EXD3: variants seen among roughly 807,000 people sequenced by gnomAD.
The protein encoded by EXD3 is exonuclease 3'-5' domain containing 3.
In EXD3, 92 loss-of-function variants were observed where a neutral mutation model predicts 98.0. That is an observed-to-expected ratio of 0.94 (90% confidence interval 0.79 to 1.12). The LOEUF (loss-of-function observed/expected upper bound fraction) is 1.12, where lower values mean the gene tolerates loss of function less well. Ranked by LOEUF, EXD3 falls within the 50% of genes most tolerant of loss-of-function variation. The probability of loss-of-function intolerance (pLI) is 0.00; values close to 1 mark genes in which losing one functional copy is unlikely to be tolerated. For synonymous variants in EXD3, 569 were observed against 526.0 expected, an observed-to-expected ratio of 1.08 and a Z score of -1.12; for missense variants, 1,222 against 1,191.6, an observed-to-expected ratio of 1.03 and a Z score of -0.38.
intron 9 of EXD3, 92 bp downstream of exon 9, chr9:137,354,608 T>G: frequency 6.3e-7 from 1 of 1,574,866 alleles, no homozygotes; most frequent in Non-Finnish European, 8.6e-7. Flanking sequence ...GATATGTCTG[T>G]GCACCCTGCA....
chr9:137,399,082 A>G (rs1027668711), intron 1 of EXD3, among the ~76,000 whole-genome samples: 3 of 152,110 alleles, frequency 2.0e-5, no homozygotes, highest in Non-Finnish European at 4.4e-5. Flanking sequence ...CCACGTCCCC[A>G]TGACACACGC....
intron 3 of EXD3, chr9:137,374,895 CCTAGTGAGATCTAGCT>C (rs1835816665): frequency 3.1e-6 from 3 of 978,394 alleles, no homozygotes; most frequent in Admixed American, 6.1e-5. Flanking sequence ...GAGTCCTGGC[CCTAGTGAGATCTAGCT>C]CTAGTGAGTT....
rs966799415 is a variant in EXD3 at position 137,349,956 on chromosome 9, G to A, written c.1495-425C>T. Among the ~76,000 whole-genome samples, 62 of 151,668 alleles carry A rather than the reference G, an allele frequency of 4.1e-4. No individual in the cohort carries two copies. Among genetic ancestry groups the A allele is most frequent in the Admixed American group, 1.1e-3 (16 of 15,236 alleles). On this transcript the variant is annotated intron_variant, in intron 14 of 21. Transcript: ENST00000340951. The surrounding 1 kb of genome is among the most constrained non-coding windows in gnomAD (Gnocchi z 7.4). Reference sequence around the variant, plus strand: ...GGGCTCTAGTGCTCATGCTAGGGGCGCTCCACGTGTGTGTCTGGGGTGGCG... The same window carrying A: ...GGGCTCTAGTGCTCATGCTAGGGGCACTCCACGTGTGTGTCTGGGGTGGCG...
At chr9:137,333,006 A>G (rs1201315138) in intron 17 of EXD3, among the ~76,000 whole-genome samples, 3 of 152,144 alleles carry the variant, frequency 2.0e-5, no homozygotes, top group Non-Finnish European at 4.4e-5. Flanking sequence ...GAGTCCATGG[A>G]CGGGGAGAGG....
chr9:137,354,471 A>T, intron 9 of EXD3, 94 bp from the exon 10 acceptor site: 1 of 1,581,154 alleles, frequency 6.3e-7, no homozygotes, highest in Non-Finnish European at 8.6e-7. Context: ...GGCAGGGTAC[A>T]TCCTTGGCAG....
chr9:137,332,587 T>G (rs1322402248), intron 17 of EXD3, among the ~76,000 whole-genome samples: 1 of 151,298 alleles, frequency 6.6e-6, no homozygotes, highest in Non-Finnish European at 1.5e-5. Flanking sequence ...CTCACGCCTG[T>G]AATCCCAGCA....
At chr9:137,356,207 C>T (rs142181227) in intron 8 of EXD3, 61 bp downstream of exon 8, 4 of 1,294,062 alleles carry the variant, frequency 3.1e-6, no homozygotes, top group Middle Eastern at 2.5e-4. Context: ...AGAGGATGTC[C>T]CTGGCCACGC....
At chr9:137,321,791 GC>G (rs777367165) in intron 19 of EXD3, among the ~76,000 whole-genome samples, 10 of 152,192 alleles carry the variant, frequency 6.6e-5, no homozygotes, top group Non-Finnish European at 1.2e-4. Flanking sequence ...TCTGGAAGCA[GC>G]CCGTACCCTC....
At chr9:137,367,636 C>T (rs1316267698) in intron 6 of EXD3, 8 of 358,368 alleles carry the variant, frequency 2.2e-5, no homozygotes, top group Admixed American at 4.6e-5. Context: ...TGCGTGTCCT[C>T]GAGGCAGCTG....
At chr9:137,406,995 C>T (rs11516126) in intron 1 of EXD3, among the ~76,000 whole-genome samples, 33,630 of 151,974 alleles carry the variant, frequency 0.22, 4,306 homozygotes, top group Non-Finnish European at 0.29. Context: ...GTCCTGTGAC[C>T]GGGAAGGCCC....
chr9:137,354,541 C>T lies in EXD3; in HGVS notation c.831+159G>A, dbSNP rs1834507205. 3 of 1,535,550 alleles carry T rather than the reference C, an allele frequency of 2.0e-6. No individual in the cohort carries two copies. In the African/African-American group the frequency reaches 4.1e-5, roughly 21 times the overall value. ...CAGAGCCAGGGCCCCATGGCCTCCC[C>T]TTCACCCAGGCCTGGCCCAGCTCAC... On this transcript the variant is annotated intron_variant, in intron 9 of 21. Transcript: ENST00000340951.
intron 1 of EXD3, among the ~76,000 whole-genome samples, chr9:137,417,651 G>A (rs998249687): frequency 1.3e-5 from 2 of 152,178 alleles, no homozygotes; most frequent in Non-Finnish European, 2.9e-5. Context: ...GAGCGGAGGA[G>A]GAGGCGCGCG....
chr9:137,354,308 T>C, intron 10 of EXD3, 31 bp downstream of exon 10: 4 of 1,610,888 alleles, frequency 2.5e-6, no homozygotes, highest in Non-Finnish European at 3.4e-6. Context: ...CAGGCCGCCC[T>C]GCCGGCTTAC....
intron 1 of EXD3, among the ~76,000 whole-genome samples, chr9:137,411,782 G>A (rs1838016021): frequency 1.3e-5 from 2 of 151,728 alleles, no homozygotes; most frequent in South Asian, 2.1e-4. Context: ...AGGGCTTCCT[G>A]TGGCCGCGGT....
At chr9:137,353,160 CCT>C (rs1834402134) in intron 10 of EXD3, 1 of 983,366 alleles carries the variant, frequency 1.0e-6, no homozygotes, top group African/African-American at 1.8e-5. Context: ...GGCCTCCAAG[CCT>C]CTGCTGACCT....
Position 137,393,778 on chromosome 9 carries a change from G to T in EXD3, c.55+1525C>A, listed in dbSNP as rs1377353885. On this transcript the variant is annotated intron_variant, in intron 2 of 21. Coordinates refer to ENST00000340951, the MANE Select transcript of EXD3 (RefSeq NM_017820.5). This position sits in a 1 kb window ranked among gnomAD's most constrained non-coding sequence, Gnocchi z 4.6. ...CCCCATGGAGGGGCTGCCAGGCAGG[G>T]CATGTGTAGGGTGGAACTGGGCAAA... 6.6e-6 allele frequency among the ~76,000 whole-genome samples: 1 copy of T among 152,202 alleles called. No homozygotes were observed. The highest frequency in any genetic ancestry group is 1.5e-5 in the Non-Finnish European group (1 of 68,008).
In EXD3 at chr9:137,405,549, G is replaced by A. The variant is rs577738526; in HGVS notation, c.-47-10145C>T. Among the ~76,000 whole-genome samples the A allele has an allele frequency of 1.3e-5, 2 of 152,326 alleles. No homozygotes were observed. Among genetic ancestry groups the A allele is most frequent in the African/African-American group, 2.4e-5 (1 of 41,586 alleles). ...TCAGGCTCTCAACAATAAACTTTACGTCTCATGGTTCAAGAAATGCCAGGC... is the reference window on the plus strand; with the variant it reads ...TCAGGCTCTCAACAATAAACTTTACATCTCATGGTTCAAGAAATGCCAGGC... On this transcript the variant is annotated intron_variant, in intron 1 of 21. Coordinates refer to ENST00000340951, the MANE Select transcript of EXD3 (RefSeq NM_017820.5). This position sits in a 1 kb window ranked among gnomAD's most constrained non-coding sequence, Gnocchi z 4.1.
intron 2 of EXD3, among the ~76,000 whole-genome samples, chr9:137,388,663 C>A (rs1285670508): frequency 6.6e-6 from 1 of 152,122 alleles, no homozygotes; most frequent in East Asian, 1.9e-4. Context: ...AGGGGACACC[C>A]GGCCTCCAGG....
intron 17 of EXD3, among the ~76,000 whole-genome samples, chr9:137,338,361 C>A (rs1043207169): frequency 2.0e-5 from 3 of 152,016 alleles, no homozygotes; most frequent in Non-Finnish European, 4.4e-5. Flanking sequence ...CACTGTATAT[C>A]AAAACTGATA....
Sources: allele counts gnomAD v4.1 joint callset (sites outside exome capture counted in the v4.1 genomes callset), GRCh38; gene constraint gnomAD v4.1.1; non-coding constraint Gnocchi (gnomAD v3.1); transcripts MANE v1.5; gene names NCBI Gene and HGNC (gene_info 2026-07-23, HGNC 2026-07-21).